Variants in PARP1 observed in about 807,000 individuals in gnomAD.
The protein encoded by PARP1 is poly(ADP-ribose) polymerase 1, also known as poly [ADP-ribose] polymerase 1.
PARP1 carries 44 observed loss-of-function variants against 118.7 expected under a neutral mutation model. The ratio of observed to expected loss-of-function variants is 0.37; its 90% CI spans 0.29 to 0.48. PARP1 has a LOEUF of 0.48. Ranked by LOEUF, PARP1 falls within the 20% of genes least tolerant of loss-of-function variation. The pLI is 0.99. For synonymous variants in PARP1, 492 were observed against 483.2 expected (o/e 1.02, Z -0.24); for missense variants, 1,100 against 1,272.4 (o/e 0.86, Z 2.06).
intron 7 of PARP1, among the ~76,000 whole-genome samples, chr1:226,383,509 A>G (rs1485024987): frequency 6.6e-6 from 1 of 152,224 alleles, no homozygotes; most frequent in Non-Finnish European, 1.5e-5. Flanking sequence ...CTGTATGACT[A>G]CAACCTCCCT....
chr1:226,385,462 T>C, intron 7 of PARP1, 42 bp downstream of exon 7: 1 of 1,592,214 alleles, frequency 6.3e-7, no homozygotes, highest in Non-Finnish European at 8.6e-7. Context: ...TGGGGCCAGG[T>C]TTTTCTCCCA....
chr1:226,382,358 G>A (rs76086119), intron 8 of PARP1, among the ~76,000 whole-genome samples: 338 of 152,268 alleles, frequency 2.2e-3, no homozygotes, highest in Non-Finnish European at 2.9e-3. Context: ...ACCAGGGCCC[G>A]GATGACTGGT....
At chr1:226,368,987 C>T (rs1664325597) in intron 15 of PARP1, among the ~76,000 whole-genome samples, 1 of 152,220 alleles carries the variant, frequency 6.6e-6, no homozygotes. Flanking sequence ...AAGTGGCACC[C>T]AGCAGGTCCG....
At chr1:226,386,231 A>G in intron 6 of PARP1, 95 bp downstream of exon 6, 1 of 794,060 alleles carries the variant, frequency 1.3e-6, no homozygotes, top group South Asian at 1.4e-5. Context: ...GCAGGTGTTC[A>G]CACGGAGGGC....
intron 17 of PARP1, 88 bp downstream of exon 17, chr1:226,367,392 C>T (rs1664291894): frequency 6.6e-7 from 1 of 1,509,522 alleles, no homozygotes; most frequent in African/African-American, 1.4e-5. Context: ...AACAAGCTTT[C>T]CAGGAGATCC....
chr1:226,374,424 G>A (rs1664451964), intron 13 of PARP1, 70 bp from the exon 14 acceptor site: 1 of 1,579,442 alleles, frequency 6.3e-7, no homozygotes, highest in Admixed American at 1.7e-5. Flanking sequence ...CGTCTGTGGG[G>A]CTGGACTGCA....
chr1:226,403,296 G>A (rs3219024), intron 1 of PARP1, among the ~76,000 whole-genome samples: 277 of 152,212 alleles, frequency 1.8e-3, no homozygotes, highest in African/African-American at 6.2e-3. Context: ...CTCCTGCCTC[G>A]GCCTCCTGAG....
chr1:226,370,701 A>C, intron 14 of PARP1, 184 bp from the exon 15 acceptor site: 1 of 654,922 alleles, frequency 1.5e-6, no homozygotes, highest in Non-Finnish European at 2.8e-6. Flanking sequence ...GAGGGATGGC[A>C]GTGTGTCTGA....
chr1:226,407,721 T>A, intron 1 of PARP1, 89 bp downstream of exon 1: 3 of 1,206,158 alleles, frequency 2.5e-6, no homozygotes, highest in African/African-American at 1.8e-5. Context: ...GCCCGCTCGC[T>A]CCCTGGGCCC....
At position 226,361,404 on chromosome 1, in the gene PARP1, C is replaced by T. The variant is rs910499102; in HGVS notation, c.*56G>A. ...GCGGCCAGGTGAGTTGGTGCAGAAG[C>T]GCTTCGGGTGAATTCATACCAGAGC... On this transcript the variant is annotated 3_prime_UTR_variant, in exon 23 of 23. Coordinates refer to ENST00000366794, the MANE Select transcript of PARP1 (RefSeq NM_001618.4). 54 of 1,165,106 alleles carry T rather than the reference C, an allele frequency of 4.6e-5. No homozygotes were observed. Among genetic ancestry groups the T allele is most frequent in the South Asian group, 1.4e-4 (11 of 80,814 alleles). The allele number at this position is 1,165,106 out of a possible 1,614,324, so 72.2% of individuals were successfully genotyped here.
rs1664508278 is a variant in PARP1 at position 226,377,134 on chromosome 1, A to T, written c.1915T>A (p.Tyr639Asn). The stretch of plus-strand genomic sequence containing the variant: ...TGGCCATAGTCAATCTCCAGGGGGT[A>T]GAACTTTTTGGGATACTTCGTGAAA... ...KNFTKYPKKF[Y>N]PLEIDYGQDE... The change falls in exon 13 of 23, where the codon TAC (tyrosine) becomes AAC (asparagine). Residue 639 changes from tyrosine (Y) to asparagine (N), a missense_variant. Around this residue, in one of 2 missense-constraint regions of PARP1, gnomAD observed 948 missense variants for 1,031.8 expected, o/e 0.92. Coordinates refer to ENST00000366794, the MANE Select transcript of PARP1 (RefSeq NM_001618.4). 6.2e-7 allele frequency: 1 copy of T among 1,613,934 alleles called. No individual in the cohort carries two copies. The highest frequency in any genetic ancestry group is 1.1e-5 in the South Asian group (1 of 91,076).
Position 226,365,085 on chromosome 1 carries a change from A to G in PARP1, c.2575T>C (p.Leu859=). 1 of 1,614,244 alleles carries G rather than the reference A, an allele frequency of 6.2e-7. No homozygotes were observed. Among genetic ancestry groups the G allele is most frequent in the Non-Finnish European group, 8.5e-7 (1 of 1,180,038 alleles). The stretch of plus-strand genomic sequence containing the variant: ...GTGGTCCTGGACCCGTGCCACAGCA[A>G]TCTTCGGTTATGAAGCTGCTTAAAG... ...KPFKQLHNRR[L]LWHGSRTTNF... The change falls in exon 19 of 23, where the codon TTG becomes CTG. Residue 859 remains leucine (L), a synonymous_variant. Transcript: ENST00000366794.
chr1:226,385,066 A>T (rs1005722719), intron 7 of PARP1, among the ~76,000 whole-genome samples: 13 of 152,256 alleles, frequency 8.5e-5, no homozygotes, highest in African/African-American at 3.1e-4. Flanking sequence ...CATTAAAAAA[A>T]GAGAGAACGT....
chr1:226,407,924 C>G lies in PARP1; in HGVS notation c.6G>C (p.Ala2=). Residue 2 remains alanine, a synonymous_variant, in exon 1 of 23, where the codon GCG becomes GCC. Coordinates refer to ENST00000366794, the MANE Select transcript of PARP1 (RefSeq NM_001618.4). ...CTCGATAGAGCTTATCCGAAGACTC[C>G]GCCATCCTCCCCTAGCTGCCGCCAA... M[A]ESSDKLYRVE... 1 of 1,612,216 alleles carries G rather than the reference C, an allele frequency of 6.2e-7. No individual in the cohort carries two copies. The highest frequency in any genetic ancestry group is 8.5e-7 in the Non-Finnish European group (1 of 1,179,074).
At chr1:226,392,808 G>A in intron 2 of PARP1, 1 of 828,986 alleles carries the variant, frequency 1.2e-6, no homozygotes, top group Middle Eastern at 2.7e-4. Flanking sequence ...GTGGGAAAAG[G>A]TTGAATTATT....
At chr1:226,391,718 G>A (rs1215652546) in intron 3 of PARP1, among the ~76,000 whole-genome samples, 2 of 152,204 alleles carry the variant, frequency 1.3e-5, no homozygotes, top group Non-Finnish European at 2.9e-5. Flanking sequence ...AGAGAAGGGT[G>A]AGAAGGCTGC....
rs1664133895 is a variant in PARP1 at position 226,361,392 on chromosome 1, T to C, written c.*68A>G. 2.0e-6 allele frequency: 2 copies of C among 998,004 alleles called. No individual in the cohort carries two copies. Among genetic ancestry groups the C allele is most frequent in the East Asian group, 2.5e-5 (1 of 40,768 alleles). The allele number at this position is 998,004 out of a possible 1,614,324, so 61.8% of individuals were successfully genotyped here. ...ATCAGCAACTTAGCGGCCAGGTGAG[T>C]TGGTGCAGAAGCGCTTCGGGTGAAT... On this transcript the variant is annotated 3_prime_UTR_variant, in exon 23 of 23. Transcript: ENST00000366794.
intron 2 of PARP1, among the ~76,000 whole-genome samples, chr1:226,397,940 A>T (rs1258354009): frequency 1.3e-5 from 2 of 152,042 alleles, no homozygotes; most frequent in Non-Finnish European, 2.9e-5. Flanking sequence ...ACGGAGCTGT[A>T]ACAACTGGAC....
chr1:226,400,223 C>A (rs953288613), intron 2 of PARP1, among the ~76,000 whole-genome samples: 7 of 151,316 alleles, frequency 4.6e-5, no homozygotes, highest in East Asian at 2.0e-4. Context: ...CGCCTGAACC[C>A]GGGAGGCGGA....
Sources: allele counts gnomAD v4.1 joint callset (sites outside exome capture counted in the v4.1 genomes callset), GRCh38; gene constraint gnomAD v4.1.1; regional missense constraint gnomAD v4.1.1; transcripts MANE v1.5; gene names NCBI Gene and HGNC (gene_info 2026-07-23, HGNC 2026-07-21).